EIF2AK2: variants seen among roughly 807,000 people sequenced by gnomAD.
EIF2AK2 encodes eukaryotic translation initiation factor 2 alpha kinase 2, also known as interferon-induced, double-stranded RNA-activated protein kinase.
A neutral mutation model predicts 70.5 loss-of-function variants in EIF2AK2; 40 were observed. The ratio of observed to expected loss-of-function variants is 0.57; its 90% CI spans 0.44 to 0.74. The LOEUF (loss-of-function observed/expected upper bound fraction) is 0.74, where lower values mean the gene tolerates loss of function less well. Among genes scored for constraint, EIF2AK2 ranks in the 30% least tolerant of loss-of-function variants. The pLI, the probability that EIF2AK2 is intolerant of heterozygous loss-of-function variation, is 0.00. For missense variants in EIF2AK2, 555 were observed against 644.3 expected (o/e 0.86, Z 1.50); for synonymous variants, 198 against 220.9 (o/e 0.90, Z 0.92).
In EIF2AK2 at chr2:37,106,435, G is replaced by C. The variant is rs1191051793; in HGVS notation, c.*838C>G. 1.3e-5 allele frequency: 2 copies of C among 151,504 alleles called. No homozygotes were observed. Among genetic ancestry groups the C allele is most frequent in the Non-Finnish European group, 2.9e-5 (2 of 67,918 alleles). 9.4% of individuals were successfully genotyped at this position (151,504 alleles called of 1,614,324 possible). On this transcript the variant is annotated 3_prime_UTR_variant, in exon 17 of 17. Coordinates refer to ENST00000233057, the MANE Select transcript of EIF2AK2 (RefSeq NM_001135651.3). The stretch of plus-strand genomic sequence containing the variant: ...ATTATGGTTGTTCCCTGTTCTTTTG[G>C]CTATTATAAACAGGGTTTTATGGAC...
intron 15 of EIF2AK2, among the ~76,000 whole-genome samples, chr2:37,108,494 C>T (rs1196133175): frequency 6.6e-6 from 1 of 152,176 alleles, no homozygotes. Context: ...GACTTCATGC[C>T]TTCTCCTAAA....
rs145778655 is a variant in EIF2AK2 at position 37,138,279 on chromosome 2, C to T, written c.678G>A (p.Ser226=). The change falls in exon 8 of 17, where the codon TCG becomes TCA. Residue 226 remains serine (S), a synonymous_variant. Transcript: ENST00000233057. ...GAGACTAATACGATACCATAAGCAACGAAGAACTGTTTAAACTGTCACTGT... is the reference window on the plus strand; with the variant it reads ...GAGACTAATACGATACCATAAGCAATGAAGAACTGTTTAAACTGTCACTGT... ...NSNSDSLNSS[S]LLMNGLRNNQ... is the part of the protein sequence containing the mutation. 33 of 1,612,298 alleles carry T rather than the reference C, an allele frequency of 2.0e-5. No homozygotes were observed. Among genetic ancestry groups the T allele is most frequent in the South Asian group, 5.5e-5 (5 of 90,838 alleles).
intron 10 of EIF2AK2, 61 bp from the exon 11 acceptor site, chr2:37,126,472 C>T: frequency 6.4e-7 from 1 of 1,555,248 alleles, no homozygotes; most frequent in Non-Finnish European, 8.7e-7. Context: ...CCCCCCGCCT[C>T]CCCACTCCTT....
chr2:37,143,936 G>C (rs1383304528), intron 4 of EIF2AK2, among the ~76,000 whole-genome samples: 1 of 152,044 alleles, frequency 6.6e-6, no homozygotes, highest in East Asian at 1.9e-4. Flanking sequence ...CATTTACATT[G>C]TATTAGAGAT....
At chr2:37,154,830 G>A (rs1675867352) in intron 1 of EIF2AK2, among the ~76,000 whole-genome samples, 1 of 152,108 alleles carries the variant, frequency 6.6e-6, no homozygotes, top group Non-Finnish European at 1.5e-5. Flanking sequence ...CCAAAGTGCT[G>A]CGATTACAGG....
rs541853207 is a variant in EIF2AK2 at position 37,121,337 on chromosome 2, A to T, written c.1067+1169T>A. Among the ~76,000 whole-genome samples, 8 of 151,934 alleles carry T rather than the reference A, an allele frequency of 5.3e-5. No individual in the cohort carries two copies. In the South Asian group the frequency reaches 6.2e-4, roughly 12 times the overall value. ...CATTCTTCATTGCTGAAGATCTGCAATCACCATTGCTAACAGATAGAAATA... is the reference window on the plus strand; with the variant it reads ...CATTCTTCATTGCTGAAGATCTGCATTCACCATTGCTAACAGATAGAAATA... On this transcript the variant is annotated intron_variant, in intron 12 of 16. Coordinates refer to ENST00000233057, the MANE Select transcript of EIF2AK2 (RefSeq NM_001135651.3).
chr2:37,116,407 A>G (rs868227085), intron 13 of EIF2AK2, among the ~76,000 whole-genome samples: 1 of 152,158 alleles, frequency 6.6e-6, no homozygotes, highest in African/African-American at 2.4e-5. Context: ...AAGACCACAA[A>G]AACAGGAAGG....
At chr2:37,144,307 G>C (rs539256942) in intron 4 of EIF2AK2, among the ~76,000 whole-genome samples, 4 of 148,780 alleles carry the variant, frequency 2.7e-5, no homozygotes, top group African/African-American at 9.8e-5. Context: ...GTAACTTACT[G>C]GTTTATATAT....
rs1675334759 is a variant in EIF2AK2, at chr2:37,141,629, TA to T, written c.312del (p.Ile105SerfsTer10). 6.2e-7 allele frequency: 1 copy of T among 1,614,046 alleles called. No individual in the cohort carries two copies. The highest frequency in any genetic ancestry group is 8.5e-7 in the Non-Finnish European group (1 of 1,180,024). ...CTTTTCTTCTGGGCAATTCTATTGA[TA>T]AGGCCTATGTAATTCCCCATGGATA... ...EGLSMGNYIG[L>X]INRIAQKKRL... On this transcript the variant is annotated frameshift_variant, in exon 5 of 17. Coordinates refer to ENST00000233057, the MANE Select transcript of EIF2AK2 (RefSeq NM_001135651.3). LOFTEE classifies it high-confidence loss of function.
At chr2:37,134,791 T>TA (rs112104639) in intron 10 of EIF2AK2, among the ~76,000 whole-genome samples, 9,340 of 152,230 alleles carry the variant, frequency 0.061, 468 homozygotes, top group African/African-American at 0.14. Flanking sequence ...CACATATCTT[T>TA]GTCTCCCCAC....
intron 14 of EIF2AK2, among the ~76,000 whole-genome samples, chr2:37,111,493 G>A (rs1269722783): frequency 2.7e-5 from 4 of 150,120 alleles, no homozygotes; most frequent in Admixed American, 2.0e-4. Context: ...TCCACCTCCC[G>A]GGTTCAAGCA....
intron 1 of EIF2AK2, among the ~76,000 whole-genome samples, chr2:37,156,068 G>GAGGAAGGCTGCTCTGAT (rs1675912395): frequency 6.6e-6 from 1 of 152,168 alleles, no homozygotes; most frequent in East Asian, 1.9e-4. Flanking sequence ...CAGGTTGTTT[G>GAGGAAGGCTGCTCTGAT]AGGAAGGCTG....
At chr2:37,124,731 C>CT (rs528735782) in intron 11 of EIF2AK2, among the ~76,000 whole-genome samples, 276 of 144,296 alleles carry the variant, frequency 1.9e-3, no homozygotes, top group African/African-American at 4.9e-3. Flanking sequence ...GAATAACATT[C>CT]TTTTTTTTTT....
chr2:37,147,762 A>G lies in EIF2AK2; in HGVS notation c.45T>C (p.Asn15=), dbSNP rs1675606335. 6.2e-7 allele frequency: 1 copy of G among 1,613,534 alleles called. No individual in the cohort carries two copies. Among genetic ancestry groups the G allele is most frequent in the African/African-American group, 1.3e-5 (1 of 74,866 alleles). The change falls in exon 3 of 17, where the codon AAT becomes AAC. Residue 15 remains asparagine, a synonymous_variant. Coordinates refer to ENST00000233057, the MANE Select transcript of EIF2AK2 (RefSeq NM_001135651.3). The stretch of plus-strand genomic sequence containing the variant: ...CTACTCCCTGCTTCTGACGGTATGT[A>G]TTAAGTTCCTCCATGAAGAAACCTG... ...LSAGFFMEEL[N]TYRQKQGVVL... is the part of the protein sequence containing the mutation.
At chr2:37,118,493 T>C (rs1353496077) in intron 13 of EIF2AK2, among the ~76,000 whole-genome samples, 1 of 152,182 alleles carries the variant, frequency 6.6e-6, no homozygotes, top group Non-Finnish European at 1.5e-5. Context: ...AGAATTTTGC[T>C]AATTCATTCT....
rs542076885 is a variant in EIF2AK2, at chr2:37,123,759, T to A, written c.909-1095A>T. Among the ~76,000 whole-genome samples, 4 of 152,250 alleles carry A rather than the reference T, an allele frequency of 2.6e-5. No individual in the cohort carries two copies. The South Asian group carries it at 8.3e-4, about 32-fold the overall frequency. On this transcript the variant is annotated intron_variant, in intron 11 of 16. Coordinates refer to ENST00000233057, the MANE Select transcript of EIF2AK2 (RefSeq NM_001135651.3). ...GATAACTTATGCAGAGAAGGTGAAA[T>A]GGTGGAAGGCTTTACAGGGATGTGT...
intron 1 of EIF2AK2, among the ~76,000 whole-genome samples, chr2:37,155,227 C>A (rs188796026): frequency 6.6e-6 from 1 of 152,264 alleles, no homozygotes; most frequent in Non-Finnish European, 1.5e-5. Context: ...TTTCTACTTC[C>A]TACAGATTTC....
Position 37,120,058 on chromosome 2 carries a change from G to A in EIF2AK2, c.1149C>T (p.Gly383=), listed in dbSNP as rs764479308. The part of the protein sequence containing the change: ...TLEQWIEKRR[G]EKLDKVLALE... ...AAGCCAAAACTTTGTCTAGTTTCTC[G>A]CCTCTTCTTTTTTCAATCCATTGTT... The change falls in exon 13 of 17, where the codon GGC becomes GGT. Residue 383 remains glycine (G), a synonymous_variant. Coordinates refer to ENST00000233057, the MANE Select transcript of EIF2AK2 (RefSeq NM_001135651.3). 23 of 1,558,578 alleles carry A rather than the reference G, an allele frequency of 1.5e-5. No homozygotes were observed. Among genetic ancestry groups the A allele is most frequent in the South Asian group, 2.4e-5 (2 of 82,882 alleles).
At chr2:37,111,939 CTATA>C (rs1174381920) in intron 14 of EIF2AK2, among the ~76,000 whole-genome samples, 12 of 121,682 alleles carry the variant, frequency 9.9e-5, no homozygotes, top group Middle Eastern at 4.2e-3. Context: ...CTCTCTCTCT[CTATA>C]TATATATATA....
Sources: gnomAD v4.1 joint callset for allele counts (sites outside exome capture counted in the v4.1 genomes callset) on GRCh38, gnomAD v4.1.1 for gene constraint, MANE v1.5 for transcripts, NCBI Gene and HGNC (gene_info 2026-07-23, HGNC 2026-07-21) for gene names.